The following HSP90B1 variants were observed in gnomAD, a reference collection of about 807,000 sequenced individuals.
HSP90B1 encodes endoplasmin.
A neutral mutation model predicts 100.4 loss-of-function variants in HSP90B1; 27 were observed. The observed-to-expected ratio is 0.27, with a 90% CI of 0.20 to 0.37. The LOEUF is 0.37. Among genes scored for constraint, HSP90B1 ranks in the 10% least tolerant of loss-of-function variants. HSP90B1 has a pLI of 1.00. For missense variants in HSP90B1, 678 were observed against 960.5 expected (o/e 0.71, Z 3.89); for synonymous variants, 304 against 330.8 (o/e 0.92, Z 0.88).
At position 103,943,299 on chromosome 12, in the gene HSP90B1, GA is replaced by G. The variant is rs774953780; in HGVS notation, c.1871del (p.Asp624ValfsTer17). On this transcript the variant is annotated frameshift_variant, in exon 13 of 18. Transcript: ENST00000299767. LOFTEE classifies it high-confidence loss of function. The surrounding 1 kb of genome is among the most constrained non-coding windows in gnomAD (Gnocchi z 5.3). Reference protein sequence around the residue: ...EFEPLLNWMKDKALKDKIEKA... With the variant: ...EFEPLLNWMKXKALKDKIEKA... The stretch of plus-strand genomic sequence containing the variant: ...TGAGCCTCTGCTGAATTGGATGAAA[GA>G]TAAAGCCCTTAAGGACAAGGTACTG... The G allele has an allele frequency of 6.2e-7, 1 of 1,614,038 alleles. No homozygotes were observed. The highest frequency in any genetic ancestry group is 1.1e-5 in the South Asian group (1 of 91,084).
chr12:103,940,326 TC>T (rs898408817), intron 8 of HSP90B1, among the ~76,000 whole-genome samples: 6 of 151,836 alleles, frequency 4.0e-5, no homozygotes, highest in Non-Finnish European at 7.4e-5. Flanking sequence ...AATTTATGTT[TC>T]CTTGCCTGTT....
At chr12:103,931,256 A>G (rs1869749733) in intron 1 of HSP90B1, among the ~76,000 whole-genome samples, 1 of 152,178 alleles carries the variant, frequency 6.6e-6, no homozygotes, top group African/African-American at 2.4e-5. Context: ...CAGTCTGCTT[A>G]ACGTTATTTA....
intron 4 of HSP90B1, 55 bp from the exon 5 acceptor site, chr12:103,933,901 G>T: frequency 1.4e-6 from 2 of 1,419,682 alleles, no homozygotes. Context: ...CTCAATATTT[G>T]TTTGGCATAA....
At chr12:103,933,856 T>G (rs1170560058) in intron 4 of HSP90B1, 100 bp from the exon 5 acceptor site, 4 of 856,774 alleles carry the variant, frequency 4.7e-6, no homozygotes, top group Non-Finnish European at 7.3e-6. Context: ...TAGTTTTCTG[T>G]ATTGGAATTG....
intron 1 of HSP90B1, among the ~76,000 whole-genome samples, chr12:103,931,137 A>G (rs1011901295): frequency 1.3e-5 from 2 of 151,998 alleles, no homozygotes; most frequent in Non-Finnish European, 2.9e-5. Flanking sequence ...CATAAATCCT[A>G]TTTGCATTCT....
chr12:103,939,345 C>A (rs1870011435), intron 7 of HSP90B1, among the ~76,000 whole-genome samples, 164 bp from the exon 8 acceptor site: 1 of 144,104 alleles, frequency 6.9e-6, no homozygotes, highest in Non-Finnish European at 1.5e-5. Flanking sequence ...TCAAACAGTT[C>A]TCCTACCCTA....
chr12:103,938,285 C>T, intron 6 of HSP90B1, 55 bp from the exon 7 acceptor site: 2 of 1,468,512 alleles, frequency 1.4e-6, no homozygotes, highest in Non-Finnish European at 1.8e-6. Flanking sequence ...ATTCTGTAGA[C>T]AAAATCAGAA....
chr12:103,941,780 G>A, intron 10 of HSP90B1, 52 bp from the exon 11 acceptor site: 1 of 1,603,748 alleles, frequency 6.2e-7, no homozygotes, highest in South Asian at 1.1e-5. Flanking sequence ...GTTTGGCTTT[G>A]CTTTCTTCCA....
chr12:103,937,501 G>A (rs1318335611), intron 5 of HSP90B1, among the ~76,000 whole-genome samples, 194 bp from the exon 6 acceptor site: 2 of 152,198 alleles, frequency 1.3e-5, no homozygotes, highest in Non-Finnish European at 2.9e-5. Context: ...ATGTAGAGGA[G>A]ATTCTTCTCT....
chr12:103,938,063 C>T (rs1172784145), intron 6 of HSP90B1, among the ~76,000 whole-genome samples: 3 of 151,302 alleles, frequency 2.0e-5, no homozygotes, highest in Non-Finnish European at 2.9e-5. Context: ...CCCAGCTACT[C>T]GGGAGGCTGA....
At chr12:103,940,347 C>A (rs1257960764) in intron 8 of HSP90B1, among the ~76,000 whole-genome samples, 3 of 148,622 alleles carry the variant, frequency 2.0e-5, no homozygotes, top group Non-Finnish European at 4.5e-5. Flanking sequence ...TTTTTTTTTT[C>A]TTCTTCTTTT....
rs759425733 is a variant in HSP90B1, at chr12:103,946,715, TCTTG to T, written c.2106+24_2106+27del. The T allele has an allele frequency of 7.5e-5, 121 of 1,612,198 alleles. No homozygotes were observed. Among genetic ancestry groups the T allele is most frequent in the South Asian group, 9.9e-5 (9 of 90,996 alleles). On this transcript the variant is annotated intron_variant, in intron 15 of 17. Transcript: ENST00000299767. ...AATTAAGGTAGTATTAAAGCAGTCC[TCTTG>T]CTTGTCTTTTAATTTGAGTACTTTG...
At chr12:103,940,579 T>G (rs578107336) in intron 8 of HSP90B1, among the ~76,000 whole-genome samples, 1 of 152,318 alleles carries the variant, frequency 6.6e-6, no homozygotes, top group South Asian at 2.1e-4. Flanking sequence ...CTGCCTTCAC[T>G]TTTATTTCCA....
At chr12:103,941,806 A>G in intron 10 of HSP90B1, 26 bp from the exon 11 acceptor site, 1 of 1,611,322 alleles carries the variant, frequency 6.2e-7, no homozygotes, top group South Asian at 1.1e-5. Context: ...TTTATTGCTC[A>G]CTGAACTTTC....
rs777780220 is a variant in HSP90B1 at position 103,931,706 on chromosome 12, C to T, written c.152+83C>T. The T allele has an allele frequency of 7.1e-6, 7 of 980,750 alleles. No individual in the cohort carries two copies. In the Admixed American group the frequency reaches 7.7e-5, roughly 11 times the overall value. 60.8% of individuals were successfully genotyped at this position (980,750 alleles called of 1,614,324 possible). On this transcript the variant is annotated intron_variant, in intron 2 of 17. Transcript: ENST00000299767. ...GGTCACTTCTTATGTATCTCTTCTC[C>T]AAAGGTCCAGATAAAGTCTAACACC...
At chr12:103,945,439 C>T (rs982421037) in intron 14 of HSP90B1, among the ~76,000 whole-genome samples, 5 of 152,200 alleles carry the variant, frequency 3.3e-5, no homozygotes, top group Admixed American at 1.3e-4. Flanking sequence ...AGAGAATAAT[C>T]ACAACCAACA....
rs928653855 is a variant in HSP90B1, at chr12:103,946,791, T to C, written c.2112T>C (p.Asp704=). Residue 704 remains aspartate, a synonymous_variant, in exon 16 of 18, where the codon GAT becomes GAC. Coordinates refer to ENST00000299767, the MANE Select transcript of HSP90B1 (RefSeq NM_003299.3). ...TGCATCTTCTTGCATTTCAGGAAGA[T>C]GAAGATGATAAAACAGTTTTGGATC... ...IRDMLRRIKE[D]EDDKTVLDLA... 22 of 1,614,010 alleles carry C rather than the reference T, an allele frequency of 1.4e-5. No individual in the cohort carries two copies. Among genetic ancestry groups the C allele is most frequent in the Admixed American group, 3.3e-5 (2 of 59,986 alleles).
intron 2 of HSP90B1, chr12:103,931,871 T>TA: frequency 8.0e-6 from 4 of 501,902 alleles, no homozygotes; most frequent in Non-Finnish European, 1.5e-5. Flanking sequence ...TTATAGAAGA[T>TA]ACTTTCAGTT....
At chr12:103,936,587 C>T (rs547289802) in intron 5 of HSP90B1, among the ~76,000 whole-genome samples, 2 of 141,444 alleles carry the variant, frequency 1.4e-5, no homozygotes, top group African/African-American at 5.4e-5. Flanking sequence ...GTCAAGGCTG[C>T]AGTGAGCCAT....
Sources: allele counts gnomAD v4.1 joint callset (sites outside exome capture counted in the v4.1 genomes callset), GRCh38; gene constraint gnomAD v4.1.1; non-coding constraint Gnocchi (gnomAD v3.1); transcripts MANE v1.5; gene names NCBI Gene and HGNC (gene_info 2026-07-23, HGNC 2026-07-21).